The following DAB1 variants were observed in gnomAD, a reference collection of about 807,000 sequenced individuals.
DAB1 encodes the protein disabled homolog 1.
In DAB1, 15 loss-of-function variants were observed where a neutral mutation model predicts 64.6. That is an observed-to-expected ratio of 0.23 (90% CI 0.16 to 0.36). DAB1 has a LOEUF of 0.36. Ranked by LOEUF, DAB1 falls within the 10% of genes least tolerant of loss-of-function variation. The pLI is 1.00. For synonymous variants in DAB1, 235 were observed against 251.9 expected, an observed-to-expected ratio of 0.93 and a Z score of 0.64; for missense variants, 596 against 706.7, an observed-to-expected ratio of 0.84 and a Z score of 1.78.
rs1645693526 is a variant in DAB1, at chr1:57,609,012, A to G, written n.625+40580T>C. On this transcript the variant is annotated intron_variant and non_coding_transcript_variant, in intron 7 of 20. Transcript: ENST00000485760. ...ATGCAAGTTATAAATATAAATAGCA[A>G]TTTGAATGCCTGGGTGTGCCTTACA... is the stretch of plus-strand genomic sequence containing the variant. Among the ~76,000 whole-genome samples, 3 of 152,308 alleles carry G rather than the reference A, an allele frequency of 2.0e-5. No individual in the cohort carries two copies. In the East Asian group the frequency reaches 5.8e-4, roughly 29 times the overall value.
At chr1:57,109,262 C>T (rs1032763425) in intron 4 of DAB1, among the ~76,000 whole-genome samples, 2 of 152,226 alleles carry the variant, frequency 1.3e-5, no homozygotes, top group African/African-American at 4.8e-5. Flanking sequence ...ACTTTGTCCT[C>T]TTCTCCTCTA....
chr1:57,511,131 A>T (rs1644400332), intron 7 of DAB1, among the ~76,000 whole-genome samples: 1 of 152,130 alleles, frequency 6.6e-6, no homozygotes, highest in Non-Finnish European at 1.5e-5. Context: ...TCCTCTACTT[A>T]TACTCTAGAC....
At chr1:57,671,555 A>T (rs1281358146) in intron 6 of DAB1, among the ~76,000 whole-genome samples, 2 of 151,990 alleles carry the variant, frequency 1.3e-5, no homozygotes, top group African/African-American at 4.8e-5. Context: ...CCTTCATGTG[A>T]CCTTTCACGA....
Position 57,075,689 on chromosome 1 carries a change from T to C in DAB1, c.307-3275A>G, listed in dbSNP as rs531557855. On this transcript the variant is annotated intron_variant, in intron 4 of 14. Transcript: ENST00000371236. ...AATTTATCAGCACAATCAAAGACAG[T>C]TGGAATCTTAAACATCAATCCTGAG... Among the ~76,000 whole-genome samples the C allele has an allele frequency of 1.4e-4, 22 of 152,292 alleles. No homozygotes were observed. The East Asian group carries it at 1.9e-3, about 13-fold the overall frequency.
At chr1:57,718,962 G>C (rs1225668232) in intron 6 of DAB1, among the ~76,000 whole-genome samples, 2 of 149,020 alleles carry the variant, frequency 1.3e-5, no homozygotes, top group African/African-American at 4.9e-5. Flanking sequence ...ACCAGTAAAA[G>C]GAAAAAAAAA....
At chr1:57,654,558 A>G (rs1486714904) in intron 6 of DAB1, among the ~76,000 whole-genome samples, 1 of 152,260 alleles carries the variant, frequency 6.6e-6, no homozygotes, top group African/African-American at 2.4e-5. Context: ...ATGTGGGTAT[A>G]TATGTTGAAA....
intron 3 of DAB1, among the ~76,000 whole-genome samples, chr1:58,466,347 C>A (rs189129594): frequency 4.3e-4 from 66 of 152,148 alleles, no homozygotes; most frequent in Admixed American, 1.8e-3. Flanking sequence ...TTTCCAGCCT[C>A]CCCTGGCCTC....
intron 9 of DAB1, among the ~76,000 whole-genome samples, chr1:57,032,741 A>C (rs1407070121): frequency 2.0e-5 from 3 of 152,176 alleles, no homozygotes; most frequent in Non-Finnish European, 4.4e-5. Context: ...TTTGATGCCA[A>C]GGTTGAAGAT....
At chr1:58,378,548 C>A in intron 3 of DAB1, among the ~76,000 whole-genome samples, 2 of 41,818 alleles carry the variant, frequency 4.8e-5, no homozygotes, top group Non-Finnish European at 9.8e-5. Flanking sequence ...CTCAGATCTC[C>A]AGCTGCGTGC....
chr1:57,947,045 A>C (rs1202786), intron 5 of DAB1, among the ~76,000 whole-genome samples: 24,166 of 152,096 alleles, frequency 0.16, 2,943 homozygotes, highest in African/African-American at 0.34. Flanking sequence ...AGCACCTTCC[A>C]TGTGTCAAGT....
At chr1:57,484,236 C>G (rs150763446) in intron 7 of DAB1, among the ~76,000 whole-genome samples, 1 of 152,262 alleles carries the variant, frequency 6.6e-6, no homozygotes, top group East Asian at 1.9e-4. Flanking sequence ...CATCCTGGGC[C>G]TTGGGGGCCA....
In DAB1 at chr1:57,037,514, T is replaced by G. The variant is rs569332254; in HGVS notation, c.724-11471A>C. ...CAAAAAACACAAAACGAAACAAAAA[T>G]TCAATTATCCATTTAGAAGGCTCAA... is the stretch of plus-strand genomic sequence containing the variant. On this transcript the variant is annotated intron_variant, in intron 9 of 14. Coordinates refer to ENST00000371236, the MANE Select transcript of DAB1 (RefSeq NM_001365792.1). 3.3e-5 allele frequency among the ~76,000 whole-genome samples: 5 copies of G among 152,280 alleles called. No homozygotes were observed. In the South Asian group the frequency reaches 1.0e-3, roughly 32 times the overall value.
intron 7 of DAB1, among the ~76,000 whole-genome samples, chr1:57,461,425 C>T (rs1490790290): frequency 6.6e-6 from 1 of 152,188 alleles, no homozygotes; most frequent in East Asian, 1.9e-4. Context: ...AAACTGAAAG[C>T]AATCCTCAGA....
At chr1:57,413,264 G>C (rs1684248543) in intron 1 of DAB1, among the ~76,000 whole-genome samples, 1 of 152,134 alleles carries the variant, frequency 6.6e-6, no homozygotes, top group Non-Finnish European at 1.5e-5. Context: ...AGACATACAA[G>C]GAAATTAATG....
intron 7 of DAB1, among the ~76,000 whole-genome samples, chr1:57,512,544 C>T (rs1644417158): frequency 6.6e-6 from 1 of 152,146 alleles, no homozygotes; most frequent in African/African-American, 2.4e-5. Flanking sequence ...CCAAAGAAGA[C>T]AGACATTATG....
intron 3 of DAB1, among the ~76,000 whole-genome samples, chr1:58,446,494 G>A (rs1304006153): frequency 6.6e-6 from 1 of 152,114 alleles, no homozygotes; most frequent in South Asian, 2.1e-4. Flanking sequence ...TATAATGCAG[G>A]GACCTTCCTA....
At chr1:57,233,869 A>G (rs1440079272) in intron 2 of DAB1, among the ~76,000 whole-genome samples, 1 of 152,140 alleles carries the variant, frequency 6.6e-6, no homozygotes, top group Non-Finnish European at 1.5e-5. Context: ...GTGGGGAGGT[A>G]GGGCACTGGG....
chr1:58,410,464 C>T (rs760066867), intron 3 of DAB1, among the ~76,000 whole-genome samples: 3 of 152,128 alleles, frequency 2.0e-5, no homozygotes, highest in African/African-American at 7.2e-5. Context: ...GGAGCTGAAC[C>T]GATGACTTCT....
At chr1:58,536,068 T>C (rs1326879727) in intron 1 of DAB1, among the ~76,000 whole-genome samples, 1 of 152,086 alleles carries the variant, frequency 6.6e-6, no homozygotes, top group Non-Finnish European at 1.5e-5. Flanking sequence ...ATGCAAATAA[T>C]TATGTTACTC....
Sources: allele counts gnomAD v4.1 joint callset (sites outside exome capture counted in the v4.1 genomes callset), GRCh38; gene constraint gnomAD v4.1.1; transcripts MANE v1.5; gene names NCBI Gene and HGNC (gene_info 2026-07-23, HGNC 2026-07-21).